The following SPATA6 variants were observed in gnomAD, a reference collection of about 807,000 sequenced individuals.
SPATA6 encodes the protein spermatogenesis-associated protein 6.
Under a neutral mutation model 65.3 loss-of-function variants are expected in SPATA6, and 56 were observed. The observed-to-expected ratio is 0.86, with a 90% CI of 0.69 to 1.07. SPATA6 has a LOEUF of 1.07. Among genes scored for constraint, SPATA6 ranks in the 50% least tolerant of loss-of-function variants. The probability of loss-of-function intolerance (pLI) is 0.00; values close to 1 mark genes in which losing one functional copy is unlikely to be tolerated. For synonymous variants in SPATA6, 199 were observed against 213.2 expected (o/e 0.93, Z 0.58); for missense variants, 590 against 594.8 (o/e 0.99, Z 0.08).
chr1:48,399,919 A>C (rs1018653159), intron 6 of SPATA6, among the ~76,000 whole-genome samples: 13 of 150,284 alleles, frequency 8.7e-5, no homozygotes, highest in Non-Finnish European at 1.6e-4. Flanking sequence ...TCACTTGAAA[A>C]ATTAAAGAAA....
intron 12 of SPATA6, among the ~76,000 whole-genome samples, chr1:48,300,586 C>T (rs1644913328): frequency 1.3e-5 from 2 of 151,914 alleles, no homozygotes; most frequent in Non-Finnish European, 2.9e-5. Context: ...TACCCTGGTA[C>T]CAAAACCAGA....
intron 3 of SPATA6, among the ~76,000 whole-genome samples, chr1:48,424,963 A>G (rs1181174670): frequency 6.6e-6 from 1 of 152,084 alleles, no homozygotes; most frequent in Non-Finnish European, 1.5e-5. Flanking sequence ...TGCTGTTTGT[A>G]TTCTTTGCTG....
intron 3 of SPATA6, among the ~76,000 whole-genome samples, chr1:48,438,049 G>C (rs1655107206): frequency 6.6e-6 from 1 of 152,062 alleles, no homozygotes; most frequent in African/African-American, 2.4e-5. Flanking sequence ...AACAAAAGGT[G>C]GCCACCCCAG....
intron 3 of SPATA6, among the ~76,000 whole-genome samples, chr1:48,449,721 G>A (rs1466696444): frequency 6.6e-6 from 1 of 152,168 alleles, no homozygotes; most frequent in African/African-American, 2.4e-5. Flanking sequence ...GATAACTAGG[G>A]AAATCTGAAT....
the SPATA6 span, among the ~76,000 whole-genome samples, chr1:48,273,608 T>C: frequency 2.0e-5 from 3 of 152,220 alleles, no homozygotes; most frequent in Non-Finnish European, 4.4e-5. Flanking sequence ...TTTCTGTTCC[T>C]GTGTTAGTTT....
intron 11 of SPATA6, among the ~76,000 whole-genome samples, chr1:48,353,828 A>C (rs2148801516): frequency 6.6e-6 from 1 of 152,168 alleles, no homozygotes; most frequent in East Asian, 1.9e-4. Flanking sequence ...TAGAAGACAT[A>C]GGAGAAAGTC....
At chr1:48,428,837 ATGTGTATATATATG>A (rs1654116178) in intron 3 of SPATA6, among the ~76,000 whole-genome samples, 1 of 142,256 alleles carries the variant, frequency 7.0e-6, no homozygotes, top group South Asian at 2.3e-4. Context: ...GTGTATATAT[ATGTGTATATATATG>A]TGTGTATATA....
intron 11 of SPATA6, among the ~76,000 whole-genome samples, chr1:48,315,816 T>G (rs1645396997): frequency 6.6e-6 from 1 of 152,166 alleles, no homozygotes; most frequent in East Asian, 1.9e-4. Flanking sequence ...AAAATCTCCT[T>G]AAGCTGATAA....
At chr1:48,367,985 G>A (rs1199273900) in intron 9 of SPATA6, among the ~76,000 whole-genome samples, 1 of 152,164 alleles carries the variant, frequency 6.6e-6, no homozygotes, top group Admixed American at 6.5e-5. Flanking sequence ...TTTTAGGGCA[G>A]GCGTGGTGGT....
At chr1:48,453,644 A>C (rs74619635) in intron 1 of SPATA6, among the ~76,000 whole-genome samples, 8,517 of 152,300 alleles carry the variant, frequency 0.056, 350 homozygotes, top group African/African-American at 0.1. Context: ...GAAAGTTTCT[A>C]GCCCAATAAA....
intron 3 of SPATA6, among the ~76,000 whole-genome samples, chr1:48,445,671 A>C (rs1361740438): frequency 1.8e-5 from 2 of 114,188 alleles, no homozygotes; most frequent in East Asian, 2.3e-4. Flanking sequence ...AAAAAAAAAA[A>C]AAAAAAAAAA....
At chr1:48,350,302 CT>C (rs545116914) in intron 11 of SPATA6, among the ~76,000 whole-genome samples, 77 of 140,488 alleles carry the variant, frequency 5.5e-4, no homozygotes, top group Middle Eastern at 3.6e-3. Flanking sequence ...GCTTTTCTTT[CT>C]TTTTTTTTTT....
At chr1:48,356,666 C>A (rs1557604669) in intron 10 of SPATA6, among the ~76,000 whole-genome samples, 2 of 151,810 alleles carry the variant, frequency 1.3e-5, no homozygotes, top group African/African-American at 4.8e-5. Context: ...TGCCACTACA[C>A]CTGGCTAATT....
chr1:48,294,061 G>A (rs116690526), downstream of SPATA6, among the ~76,000 whole-genome samples: 234 of 152,272 alleles, frequency 1.5e-3, no homozygotes, highest in Non-Finnish European at 2.6e-3. Context: ...CATTGAAACT[G>A]TAGCTAGTTA....
At position 48,330,176 on chromosome 1, in the gene SPATA6, T is replaced by C. The variant is rs540850449; in HGVS notation, c.1195-24298A>G. On this transcript the variant is annotated intron_variant, in intron 11 of 12. Transcript: ENST00000371847. Reference sequence around the variant, plus strand: ...CCAATCCTCCCACCCCCACCACTGGTAGCCAGCTGGACAATGCTTACTAGA... The same window carrying C: ...CCAATCCTCCCACCCCCACCACTGGCAGCCAGCTGGACAATGCTTACTAGA... 2.0e-5 allele frequency among the ~76,000 whole-genome samples: 3 copies of C among 152,168 alleles called. No individual in the cohort carries two copies. In the South Asian group the frequency reaches 6.2e-4, roughly 32 times the overall value.
At chr1:48,448,603 T>C (rs991734429) in intron 3 of SPATA6, among the ~76,000 whole-genome samples, 13 of 152,090 alleles carry the variant, frequency 8.5e-5, no homozygotes, top group Admixed American at 3.3e-4. Context: ...TGGTTCATAA[T>C]TGCCCAAAAC....
At chr1:48,466,182 A>G (rs552154724) in intron 1 of SPATA6, among the ~76,000 whole-genome samples, 1 of 152,288 alleles carries the variant, frequency 6.6e-6, no homozygotes, top group South Asian at 2.1e-4. Flanking sequence ...AATAATAAAA[A>G]GCATTAACTA....
At chr1:48,436,325 C>A (rs1282541204) in intron 3 of SPATA6, 1 of 1,612,788 alleles carries the variant, frequency 6.2e-7, no homozygotes, top group South Asian at 1.1e-5. Flanking sequence ...CCCAATATTA[C>A]AACTTACTGG....
At chr1:48,285,300 G>T in the SPATA6 span, among the ~76,000 whole-genome samples, 5 of 152,230 alleles carry the variant, frequency 3.3e-5, no homozygotes, top group African/African-American at 1.2e-4. Context: ...AAGTGTCCCA[G>T]GTTGACTTCA....
Sources: allele counts gnomAD v4.1 joint callset (sites outside exome capture counted in the v4.1 genomes callset), GRCh38; gene constraint gnomAD v4.1.1; transcripts MANE v1.5; gene names NCBI Gene and HGNC (gene_info 2026-07-23, HGNC 2026-07-21).